The following HS6ST3 variants were observed in gnomAD, a reference collection of about 807,000 sequenced individuals.
The protein encoded by HS6ST3 is heparan-sulfate 6-O-sulfotransferase 3.
In HS6ST3, 12 loss-of-function variants were observed where a neutral mutation model predicts 36.7. That is an observed-to-expected ratio of 0.33 (90% CI 0.21 to 0.53). The LOEUF (loss-of-function observed/expected upper bound fraction) is 0.53, where lower values mean the gene tolerates loss of function less well. HS6ST3 is among the 20% of genes least tolerant of loss of function. The probability of loss-of-function intolerance (pLI) is 0.95; values close to 1 mark genes in which losing one functional copy is unlikely to be tolerated. For synonymous variants in HS6ST3, 240 were observed against 257.5 expected, an observed-to-expected ratio of 0.93 and a Z score of 0.65; for missense variants, 584 against 640.9, an observed-to-expected ratio of 0.91 and a Z score of 0.96.
chr13:96,567,372 G>A (rs1232799387), intron 1 of HS6ST3, among the ~76,000 whole-genome samples: 1 of 152,118 alleles, frequency 6.6e-6, no homozygotes, highest in Non-Finnish European at 1.5e-5. Context: ...GGTAGGAGGA[G>A]ACTACTTTTC....
At position 96,832,571 on chromosome 13, in the gene HS6ST3, T is replaced by C; in HGVS notation, c.789T>C (p.Thr263=). The change falls in exon 2 of 2, where the codon ACT becomes ACC. Residue 263 remains threonine (T), a synonymous_variant. Transcript: ENST00000376705. ...GGAAACATGTCCAGAGAGGGGCCAC[T>C]TGGAAAACCTCTCTTCATATGTGTG... ...SEWKHVQRGA[T]WKTSLHMCDG... 1 of 1,613,818 alleles carries C rather than the reference T, an allele frequency of 6.2e-7. No homozygotes were observed. Among genetic ancestry groups the C allele is most frequent in the East Asian group, 2.2e-5 (1 of 44,872 alleles).
At chr13:96,328,780 G>C in intron 1 of HS6ST3, among the ~76,000 whole-genome samples, 1 of 152,132 alleles carries the variant, frequency 6.6e-6, no homozygotes, top group Non-Finnish European at 1.5e-5. Context: ...TTGTACCTCT[G>C]GTAGAATTCG....
intron 1 of HS6ST3, among the ~76,000 whole-genome samples, chr13:96,381,156 A>G (rs1388396834): frequency 6.6e-6 from 1 of 152,212 alleles, no homozygotes; most frequent in African/African-American, 2.4e-5. Flanking sequence ...TTCCTTATCC[A>G]TGCTTGAGGC....
intron 1 of HS6ST3, among the ~76,000 whole-genome samples, chr13:96,259,916 G>A (rs1422469770): frequency 6.6e-6 from 1 of 151,480 alleles, no homozygotes; most frequent in African/African-American, 2.4e-5. Context: ...ACTGTTGGCT[G>A]CATTAAACCA....
intron 1 of HS6ST3, among the ~76,000 whole-genome samples, chr13:96,523,337 G>A (rs905576784): frequency 3.3e-5 from 5 of 151,948 alleles, no homozygotes; most frequent in African/African-American, 1.2e-4. Flanking sequence ...TGACAATTAC[G>A]TGTCTTGGGG....
At chr13:96,173,122 C>T (rs1682709549) in intron 1 of HS6ST3, among the ~76,000 whole-genome samples, 1 of 151,986 alleles carries the variant, frequency 6.6e-6, no homozygotes, top group African/African-American at 2.4e-5. Flanking sequence ...AGAGTCATTG[C>T]TGATAGATAT....
chr13:96,493,418 G>A (rs925683667), intron 1 of HS6ST3, among the ~76,000 whole-genome samples: 1 of 152,082 alleles, frequency 6.6e-6, no homozygotes, highest in African/African-American at 2.4e-5. Flanking sequence ...AAATAATGAT[G>A]ATCATTTAGG....
At chr13:96,254,579 T>C (rs9516651) in intron 1 of HS6ST3, among the ~76,000 whole-genome samples, 83,195 of 140,994 alleles carry the variant, frequency 0.59, 25,038 homozygotes, top group Admixed American at 0.67. Context: ...TGGTGATCCA[T>C]CTTATTTCCC....
chr13:96,784,483 G>A (rs1373686665), intron 1 of HS6ST3, among the ~76,000 whole-genome samples: 1 of 152,094 alleles, frequency 6.6e-6, no homozygotes, highest in East Asian at 1.9e-4. Context: ...GACAATTTTA[G>A]AATAGTGTTC....
chr13:96,492,083 C>T (rs2055948797), intron 1 of HS6ST3, among the ~76,000 whole-genome samples: 1 of 152,160 alleles, frequency 6.6e-6, no homozygotes, highest in African/African-American at 2.4e-5. Flanking sequence ...TTATCTCTTC[C>T]TCTCTTGCCT....
At chr13:96,317,727 T>G (rs916509531) in intron 1 of HS6ST3, among the ~76,000 whole-genome samples, 1 of 151,454 alleles carries the variant, frequency 6.6e-6, no homozygotes. Context: ...AGCATCTGTT[T>G]TTTTTTTTTA....
chr13:96,168,863 C>CCAT (rs2054173438), intron 1 of HS6ST3, among the ~76,000 whole-genome samples: 1 of 152,004 alleles, frequency 6.6e-6, no homozygotes, highest in Non-Finnish European at 1.5e-5. Context: ...TCTACTGCAC[C>CCAT]CATCACCTGA....
intron 1 of HS6ST3, among the ~76,000 whole-genome samples, chr13:96,761,633 A>G (rs770196676): frequency 1.2e-4 from 18 of 152,110 alleles, no homozygotes; most frequent in Non-Finnish European, 2.2e-4. Context: ...ACTCATGTAA[A>G]TTAGGTTTAC....
At chr13:96,825,775 T>C (rs949817326) in intron 1 of HS6ST3, among the ~76,000 whole-genome samples, 4 of 152,178 alleles carry the variant, frequency 2.6e-5, no homozygotes, top group Admixed American at 2.6e-4. Flanking sequence ...AAATGAACGT[T>C]TAGTGAAACA....
chr13:96,202,432 A>G (rs1361998437), intron 1 of HS6ST3, among the ~76,000 whole-genome samples: 2 of 152,102 alleles, frequency 1.3e-5, no homozygotes, highest in Non-Finnish European at 1.5e-5. Flanking sequence ...ATCATCTATA[A>G]CCATTGACAC....
chr13:96,370,117 T>G (rs2055282462), intron 1 of HS6ST3, among the ~76,000 whole-genome samples: 1 of 152,106 alleles, frequency 6.6e-6, no homozygotes, highest in Non-Finnish European at 1.5e-5. Context: ...CAAAAGAGAA[T>G]AAACAAACCC....
chr13:96,673,030 A>G (rs960796600), intron 1 of HS6ST3, among the ~76,000 whole-genome samples: 1 of 152,238 alleles, frequency 6.6e-6, no homozygotes, highest in Admixed American at 6.5e-5. Context: ...CAACAGGGCC[A>G]TGCTCCTTCC....
chr13:96,317,383 T>TC (rs2054980701), intron 1 of HS6ST3, among the ~76,000 whole-genome samples: 1 of 137,916 alleles, frequency 7.3e-6, no homozygotes, highest in African/African-American at 2.7e-5. Context: ...TATATATATA[T>TC]ATATATATAT....
At chr13:96,444,097 C>T (rs1047645522) in intron 1 of HS6ST3, among the ~76,000 whole-genome samples, 4 of 152,078 alleles carry the variant, frequency 2.6e-5, no homozygotes, top group Admixed American at 6.6e-5. Context: ...GGATGAGGAC[C>T]GGTGGAGAAA....
Sources: gnomAD v4.1 joint callset for allele counts (sites outside exome capture counted in the v4.1 genomes callset) on GRCh38, gnomAD v4.1.1 for gene constraint, MANE v1.5 for transcripts, NCBI Gene and HGNC (gene_info 2026-07-23, HGNC 2026-07-21) for gene names.